Variants in SAMD5 observed in about 807,000 individuals in gnomAD.
SAMD5 encodes the protein sterile alpha motif domain containing 5.
A neutral mutation model predicts 11.3 loss-of-function variants in SAMD5; 13 were observed. That is an observed-to-expected ratio of 1.15 (90% CI 0.75 to 1.83). The LOEUF (loss-of-function observed/expected upper bound fraction) is 1.83, where lower values mean the gene tolerates loss of function less well. Ranked by LOEUF, SAMD5 falls within the 40% of genes most tolerant of loss-of-function variation. SAMD5 has a pLI of 0.00. For synonymous variants in SAMD5, 129 were observed against 111.3 expected (o/e 1.16, Z -1.00); for missense variants, 255 against 239.1 (o/e 1.07, Z -0.44).
intron 1 of SAMD5, among the ~76,000 whole-genome samples, chr6:147,589,950 G>T (rs1288293848): frequency 3.3e-5 from 5 of 152,108 alleles, no homozygotes; most frequent in African/African-American, 1.2e-4. Context: ...GCATACATTT[G>T]TATGTGCATA....
chr6:147,724,141 T>A (rs1469744524), intron 1 of SAMD5, among the ~76,000 whole-genome samples: 1 of 152,122 alleles, frequency 6.6e-6, no homozygotes, highest in East Asian at 1.9e-4. Flanking sequence ...ATATATATAT[T>A]TTTTGAAACA....
the SAMD5 span, among the ~76,000 whole-genome samples, chr6:147,769,838 T>G: frequency 2.3e-4 from 35 of 152,318 alleles, no homozygotes; most frequent in African/African-American, 8.2e-4. Context: ...AATTACACTT[T>G]CCCTTTGGTC....
the SAMD5 span, among the ~76,000 whole-genome samples, chr6:147,886,553 A>G: frequency 6.6e-6 from 1 of 151,762 alleles, no homozygotes; most frequent in African/African-American, 2.4e-5. Flanking sequence ...CTTCTAACCA[A>G]CGGAATAGGG....
chr6:147,943,293 T>A, the SAMD5 span, among the ~76,000 whole-genome samples: 1 of 152,212 alleles, frequency 6.6e-6, no homozygotes, highest in Non-Finnish European at 1.5e-5. Flanking sequence ...GGTTGTTTTT[T>A]TCCCCCTCAA....
At position 147,510,508 on chromosome 6, in the gene SAMD5, A is replaced by C. The variant is rs114343998; in HGVS notation, c.459+1121A>C. ...AACATACTCAGCTGGTGGGCCACAG[A>C]AACCCAACTCCCTAATAGGAAATGT... On this transcript the variant is annotated intron_variant, in intron 1 of 1. Transcript: ENST00000367474. 7.6e-3 allele frequency among the ~76,000 whole-genome samples: 1,163 copies of C among 152,316 alleles called. 15 individuals are homozygous for C. Among genetic ancestry groups the C allele is most frequent in the African/African-American group, 0.027 (1,131 of 41,566 alleles).
At chr6:147,548,576 T>C (rs1271510086) in intron 1 of SAMD5, among the ~76,000 whole-genome samples, 1 of 152,236 alleles carries the variant, frequency 6.6e-6, no homozygotes, top group African/African-American at 2.4e-5. Flanking sequence ...CATCTCAACA[T>C]CTATCAAATG....
the SAMD5 span, among the ~76,000 whole-genome samples, chr6:147,808,786 G>A: frequency 2.6e-5 from 4 of 151,972 alleles, no homozygotes; most frequent in African/African-American, 4.8e-5. Context: ...CATTCATCTC[G>A]GAGTATGAAG....
chr6:147,898,095 CAAATCTT>C, the SAMD5 span, among the ~76,000 whole-genome samples: 1 of 151,924 alleles, frequency 6.6e-6, no homozygotes, highest in Non-Finnish European at 1.5e-5. Flanking sequence ...TGTCAGGCTC[CAAATCTT>C]AATTTCTATG....
At chr6:147,575,230 C>T (rs117652403) in intron 1 of SAMD5, among the ~76,000 whole-genome samples, 5,132 of 152,260 alleles carry the variant, frequency 0.034, 120 homozygotes, top group Middle Eastern at 0.075. Context: ...GGTTCTCTGG[C>T]CCAGGGAGGC....
chr6:147,540,260 G>A (rs1214185528), intron 1 of SAMD5, among the ~76,000 whole-genome samples: 1 of 152,130 alleles, frequency 6.6e-6, no homozygotes, highest in African/African-American at 2.4e-5. Context: ...ATAGAACCCA[G>A]GCTGCTACTG....
At chr6:147,777,138 C>G in the SAMD5 span, among the ~76,000 whole-genome samples, 1 of 152,148 alleles carries the variant, frequency 6.6e-6, no homozygotes, top group South Asian at 2.1e-4. Flanking sequence ...GGTGTCTGTG[C>G]TAAGTATTTG....
chr6:147,706,671 A>T (rs568815692), intron 1 of SAMD5, among the ~76,000 whole-genome samples: 1 of 152,228 alleles, frequency 6.6e-6, no homozygotes, highest in Non-Finnish European at 1.5e-5. Context: ...CTTTTCTGGT[A>T]CTTGGCTCTA....
intron 1 of SAMD5, among the ~76,000 whole-genome samples, chr6:147,708,580 C>G (rs993230205): frequency 2.6e-5 from 4 of 152,218 alleles, no homozygotes; most frequent in African/African-American, 9.6e-5. Context: ...GAGAAGGGAA[C>G]AGAAGTGGAA....
chr6:147,906,367 C>T, the SAMD5 span, among the ~76,000 whole-genome samples: 13 of 152,180 alleles, frequency 8.5e-5, no homozygotes, highest in Non-Finnish European at 1.2e-4. Context: ...ACATTCTTCA[C>T]GGGTAAAAGT....
chr6:147,657,955 T>G (rs1490475649), intron 1 of SAMD5, among the ~76,000 whole-genome samples: 1 of 152,246 alleles, frequency 6.6e-6, no homozygotes, highest in Non-Finnish European at 1.5e-5. Context: ...TTTGTTCTAC[T>G]TTTGTATGGA....
chr6:147,790,139 C>A, the SAMD5 span, among the ~76,000 whole-genome samples: 1 of 152,198 alleles, frequency 6.6e-6, no homozygotes, highest in Non-Finnish European at 1.5e-5. Context: ...TTTCTAGCAG[C>A]TTTGTTCATG....
chr6:147,773,252 C>G, the SAMD5 span, among the ~76,000 whole-genome samples: 1 of 152,200 alleles, frequency 6.6e-6, no homozygotes, highest in African/African-American at 2.4e-5. Context: ...CAGTTCTCAA[C>G]AGGCCAGTTC....
the SAMD5 span, among the ~76,000 whole-genome samples, chr6:147,874,076 G>A: frequency 1.3e-5 from 2 of 152,170 alleles, no homozygotes; most frequent in African/African-American, 4.8e-5. Flanking sequence ...TCTGCTTTTA[G>A]TGAACATGAT....
At chr6:147,733,023 T>C (rs1013639645) in intron 1 of SAMD5, among the ~76,000 whole-genome samples, 3 of 152,256 alleles carry the variant, frequency 2.0e-5, no homozygotes, top group Non-Finnish European at 4.4e-5. Context: ...GTGTATTTCG[T>C]TGGGTGTCAA....
Sources: allele counts gnomAD v4.1 joint callset (sites outside exome capture counted in the v4.1 genomes callset), GRCh38; gene constraint gnomAD v4.1.1; transcripts MANE v1.5; gene names NCBI Gene and HGNC (gene_info 2026-07-23, HGNC 2026-07-21).